KMT5B: variants seen among roughly 807,000 people sequenced by gnomAD.
KMT5B encodes lysine methyltransferase 5B.
In KMT5B, 10 loss-of-function variants were observed where a neutral mutation model predicts 83.2. That is an observed-to-expected ratio of 0.12 (90% CI 0.07 to 0.20). The LOEUF is 0.20. KMT5B is among the 10% of genes least tolerant of loss of function. KMT5B has a pLI of 1.00. For synonymous variants in KMT5B, 349 were observed against 388.8 expected (o/e 0.90, Z 1.20); for missense variants, 753 against 1,067.2 (o/e 0.71, Z 4.10).
chr11:68,169,832 G>C (rs555832196), intron 9 of KMT5B, among the ~76,000 whole-genome samples: 1 of 151,596 alleles, frequency 6.6e-6, no homozygotes, highest in African/African-American at 2.4e-5. Context: ...GTATTCTCTG[G>C]ACTGGTCCAA....
chr11:68,167,716 C>T (rs1416789074), intron 9 of KMT5B, among the ~76,000 whole-genome samples: 1 of 152,132 alleles, frequency 6.6e-6, no homozygotes, highest in Admixed American at 6.5e-5. Context: ...GCTGGGTCTC[C>T]CAAAGTGCTG....
At chr11:68,176,302 T>C (rs1455861736) in intron 4 of KMT5B, among the ~76,000 whole-genome samples, 1 of 152,170 alleles carries the variant, frequency 6.6e-6, no homozygotes, top group Non-Finnish European at 1.5e-5. Context: ...CATGATGCAG[T>C]CATGGCCCAA....
Position 68,158,393 on chromosome 11 carries a change from G to C in KMT5B, c.1953C>G (p.Asp651Glu). ...CCACAGTGCCACTGTGCTCACCCTG[G>C]TCAGAATGGGGACCCATCAAATCTG... ...AVPDLMGPHS[D>E]QGEHSGTVGV... Residue 651 changes from aspartate (D) to glutamate (E), a missense_variant, in exon 11 of 11, where the codon GAC becomes GAG. Physicochemically the swap from Asp to Glu is conservative, Grantham distance 45. Around this residue, in one of 9 missense-constraint regions of KMT5B, gnomAD observed 397 missense variants for 395.9 expected, o/e 1.00. Transcript: ENST00000304363. The C allele has an allele frequency of 1.2e-6, 2 of 1,614,140 alleles. No individual in the cohort carries two copies. Among genetic ancestry groups the C allele is most frequent in the South Asian group, 1.1e-5 (1 of 91,086 alleles).
intron 1 of KMT5B, among the ~76,000 whole-genome samples, chr11:68,195,423 C>T (rs1858585184): frequency 6.6e-6 from 1 of 152,104 alleles, no homozygotes. Context: ...AAATAATGTA[C>T]CTAAAAAAGT....
Position 68,173,917 on chromosome 11 carries a change from A to G in KMT5B, c.544-4T>C. On this transcript the variant is annotated splice_region_variant and splice_polypyrimidine_tract_variant and intron_variant, in intron 5 of 10. Transcript: ENST00000304363. ...ACATTCGCAAATAAATAAATACCTA[A>G]AACAGGAAAAAAAAATTGATAATGA... is the stretch of plus-strand genomic sequence containing the variant. 6.5e-7 allele frequency: 1 copy of G among 1,547,420 alleles called. No individual in the cohort carries two copies.
At chr11:68,180,010 T>G (rs1488429704) in intron 4 of KMT5B, 122 bp downstream of exon 4, 2 of 1,182,006 alleles carry the variant, frequency 1.7e-6, no homozygotes, top group African/African-American at 3.1e-5. Flanking sequence ...TTTAAAAGGT[T>G]TGTAAAATGT....
chr11:68,196,299 T>C (rs550244673), intron 1 of KMT5B, among the ~76,000 whole-genome samples: 2 of 152,116 alleles, frequency 1.3e-5, no homozygotes, highest in South Asian at 4.2e-4. Flanking sequence ...GTTCACATCC[T>C]CTAGGAAGTG....
chr11:68,180,692 T>G (rs536185339), intron 3 of KMT5B, among the ~76,000 whole-genome samples: 22 of 152,326 alleles, frequency 1.4e-4, no homozygotes, highest in Admixed American at 1.2e-3. Flanking sequence ...AGCTCACTGC[T>G]GGCCTGAGTC....
chr11:68,159,267 G>T, intron 10 of KMT5B, 96 bp from the exon 11 acceptor site: 1 of 1,465,702 alleles, frequency 6.8e-7, no homozygotes, highest in Middle Eastern at 2.4e-4. Context: ...AGCACGTTTA[G>T]ATTACACAAA....
chr11:68,182,640 T>C (rs1240117434), intron 3 of KMT5B, among the ~76,000 whole-genome samples: 2 of 152,012 alleles, frequency 1.3e-5, no homozygotes, highest in East Asian at 1.9e-4. Flanking sequence ...GTATTTACTA[T>C]TGAAGATGCC....
At chr11:68,191,110 C>T (rs1198771911) in intron 1 of KMT5B, among the ~76,000 whole-genome samples, 1 of 152,098 alleles carries the variant, frequency 6.6e-6, no homozygotes, top group Non-Finnish European at 1.5e-5. Flanking sequence ...AATCCTCCCA[C>T]TCAGCCTCCC....
rs745550713 is a variant in KMT5B, at chr11:68,158,925, T to C, written c.1421A>G (p.Asn474Ser). The C allele has an allele frequency of 1.9e-6, 3 of 1,613,758 alleles. No individual in the cohort carries two copies. Among genetic ancestry groups the C allele is most frequent in the Admixed American group, 3.3e-5 (2 of 59,926 alleles). Residue 474 changes from asparagine to serine, a missense_variant, in exon 11 of 11, where the codon AAC becomes AGC. Around this residue, in one of 9 missense-constraint regions of KMT5B, gnomAD observed 397 missense variants for 395.9 expected, o/e 1.00. Transcript: ENST00000304363. ...TACTTTAGGCTCTTTCAGTACTAAG[T>C]TTCCCATTTCGAGTTTTCTTGAAGC... Reference protein sequence around the residue: ...KNASRKLEMGNLVLKEPKVVL... With the variant: ...KNASRKLEMGSLVLKEPKVVL...
At chr11:68,170,940 T>C (rs1276208521) in intron 9 of KMT5B, 75 bp downstream of exon 9, 4 of 1,432,168 alleles carry the variant, frequency 2.8e-6, no homozygotes, top group Non-Finnish European at 3.8e-6. Context: ...AACAAAGAGA[T>C]AATGTGAGTT....
At position 68,155,257 on chromosome 11, in the gene KMT5B, G is replaced by A. The variant is rs966495411; in HGVS notation, c.*2431C>T. The A allele has an allele frequency of 6.6e-6, 1 of 152,150 alleles. No individual in the cohort carries two copies. Among genetic ancestry groups the A allele is most frequent in the African/African-American group, 2.4e-5 (1 of 41,424 alleles). 9.4% of individuals were successfully genotyped at this position (152,150 alleles called of 1,614,324 possible). A position where few individuals can be genotyped will look rare whatever the true frequency, so the allele number is the denominator to read the frequency against. On this transcript the variant is annotated 3_prime_UTR_variant, in exon 11 of 11. Coordinates refer to ENST00000304363, the MANE Select transcript of KMT5B (RefSeq NM_017635.5). ...ACGGTGAAGTTCTACAGCAGATCCG[G>A]AACAGTTCCGAGGCCCCTACCTTTA...
At chr11:68,162,707 C>T (rs968045335) in intron 10 of KMT5B, among the ~76,000 whole-genome samples, 2 of 152,166 alleles carry the variant, frequency 1.3e-5, no homozygotes, top group African/African-American at 2.4e-5. Context: ...CTAACATAAA[C>T]GCTCCATTTT....
chr11:68,162,003 C>T (rs1451861297), intron 10 of KMT5B, among the ~76,000 whole-genome samples: 1 of 152,192 alleles, frequency 6.6e-6, no homozygotes, highest in Non-Finnish European at 1.5e-5. Flanking sequence ...AATATCACCA[C>T]CACATGCCCA....
intron 9 of KMT5B, among the ~76,000 whole-genome samples, chr11:68,167,629 AT>A (rs973622260): frequency 2.6e-5 from 4 of 150,980 alleles, no homozygotes; most frequent in East Asian, 1.9e-4. Context: ...TAATTTTTAA[AT>A]TTTTTTTTGT....
chr11:68,178,394 C>A (rs1003494918), intron 4 of KMT5B, among the ~76,000 whole-genome samples: 1 of 152,202 alleles, frequency 6.6e-6, no homozygotes, highest in African/African-American at 2.4e-5. Flanking sequence ...ATAGTCAACT[C>A]TTGATTTAGT....
intron 1 of KMT5B, among the ~76,000 whole-genome samples, chr11:68,190,871 T>C (rs893561257): frequency 3.3e-5 from 5 of 152,280 alleles, no homozygotes; most frequent in South Asian, 2.1e-4. Flanking sequence ...TGGTTCCAGC[T>C]ACTTGAGAGG....
Sources: allele counts gnomAD v4.1 joint callset (sites outside exome capture counted in the v4.1 genomes callset), GRCh38; gene constraint gnomAD v4.1.1; regional missense constraint gnomAD v4.1.1; transcripts MANE v1.5; gene names NCBI Gene and HGNC (gene_info 2026-07-23, HGNC 2026-07-21).